CTNNA2: variants seen among roughly 807,000 people sequenced by gnomAD.
CTNNA2 encodes the protein catenin alpha 2.
In CTNNA2, 42 loss-of-function variants were observed where a neutral mutation model predicts 101.0. The observed-to-expected ratio is 0.42, with a 90% confidence interval of 0.32 to 0.54. The LOEUF is 0.54. CTNNA2 is among the 20% of genes least tolerant of loss of function. The pLI, the probability that CTNNA2 is intolerant of heterozygous loss-of-function variation, is 0.14. For synonymous variants in CTNNA2, 450 were observed against 456.4 expected (o/e 0.99, Z 0.18); for missense variants, 871 against 1,223.1 (o/e 0.71, Z 4.29).
At chr2:79,221,751 C>T (rs1674348192) in intron 2 of CTNNA2, among the ~76,000 whole-genome samples, 1 of 152,068 alleles carries the variant, frequency 6.6e-6, no homozygotes, top group South Asian at 2.1e-4. Flanking sequence ...AAGTTTGTAT[C>T]TATATGGCTT....
chr2:79,400,279 A>C (rs995327549), intron 4 of CTNNA2, among the ~76,000 whole-genome samples: 3 of 151,850 alleles, frequency 2.0e-5, no homozygotes, highest in African/African-American at 7.3e-5. Context: ...CTTGTGAGGG[A>C]GGTATGTAGC....
At position 79,213,808 on chromosome 2, in the gene CTNNA2, G is replaced by GTA. The variant is rs570309231; in HGVS notation, c.-406+15736_-406+15737dup. On this transcript the variant is annotated intron_variant, in intron 2 of 21. Transcript: ENST00000466387. ...AGCTGAAGGAGCCAGGAAGCAGAAA[G>GTA]TATATGCGTCAGGTATGAGGAAGAA... Among the ~76,000 whole-genome samples, 429 of 152,318 alleles carry GTA rather than the reference G, an allele frequency of 2.8e-3. 6 individuals are homozygous for GTA. The highest frequency in any genetic ancestry group is 9.5e-3 in the African/African-American group (396 of 41,572).
At chr2:79,831,129 T>C (rs993652895) in intron 3 of CTNNA2, among the ~76,000 whole-genome samples, 1 of 152,152 alleles carries the variant, frequency 6.6e-6, no homozygotes, top group Non-Finnish European at 1.5e-5. Flanking sequence ...TATAGTTTGC[T>C]TAATCATTTT....
Position 80,546,830 on chromosome 2 carries a change from TGAG to T in CTNNA2, c.1540+775_1540+777del, listed in dbSNP as rs553885805. The stretch of plus-strand genomic sequence containing the variant: ...CCCAGTTCACCTGGAAGAATCTCTG[TGAG>T]GAGGAGGTCACTGGAAACATCAGCC... On this transcript the variant is annotated intron_variant, in intron 11 of 18. Coordinates refer to ENST00000402739, the MANE Select transcript of CTNNA2 (RefSeq NM_001282597.3). Among the ~76,000 whole-genome samples the T allele has an allele frequency of 4.9e-3, 746 of 152,284 alleles. 7 individuals are homozygous for T. Among genetic ancestry groups the T allele is most frequent in the African/African-American group, 0.017 (696 of 41,542 alleles).
intron 4 of CTNNA2, among the ~76,000 whole-genome samples, chr2:79,428,390 C>T (rs1678614561): frequency 6.6e-6 from 1 of 151,926 alleles, no homozygotes; most frequent in Non-Finnish European, 1.5e-5. Flanking sequence ...TAATGCTTCA[C>T]ACTTGGAACA....
At chr2:80,383,812 C>T (rs1676741265) in intron 7 of CTNNA2, among the ~76,000 whole-genome samples, 2 of 152,162 alleles carry the variant, frequency 1.3e-5, no homozygotes, top group South Asian at 2.1e-4. Context: ...AATTTCATTA[C>T]TTGGGTATAT....
At chr2:80,147,282 C>T (rs548402092) in intron 7 of CTNNA2, among the ~76,000 whole-genome samples, 6 of 151,960 alleles carry the variant, frequency 3.9e-5, no homozygotes, top group Admixed American at 2.6e-4. Flanking sequence ...TTGTATTTTT[C>T]GTACAGTTGG....
chr2:79,250,873 T>G (rs1332555810), intron 2 of CTNNA2, among the ~76,000 whole-genome samples: 1 of 152,198 alleles, frequency 6.6e-6, no homozygotes, highest in Non-Finnish European at 1.5e-5. Flanking sequence ...CCAAAGACAT[T>G]TGAATTTTTG....
chr2:80,102,729 C>T (rs142581850), intron 7 of CTNNA2, among the ~76,000 whole-genome samples: 2 of 152,256 alleles, frequency 1.3e-5, no homozygotes, highest in Non-Finnish European at 2.9e-5. Flanking sequence ...TCAGGCTGGT[C>T]TTGAACTCCT....
Position 80,366,709 on chromosome 2 carries a change from T to A in CTNNA2, c.1057-26502T>A, listed in dbSNP as rs949783620. 4.1e-4 allele frequency among the ~76,000 whole-genome samples: 62 copies of A among 152,120 alleles called. 2 individuals are homozygous for A. The highest frequency in any genetic ancestry group is 1.5e-5 in the Non-Finnish European group (1 of 68,004). On this transcript the variant is annotated intron_variant, in intron 7 of 18. Coordinates refer to ENST00000402739, the MANE Select transcript of CTNNA2 (RefSeq NM_001282597.3). ...GCTGCTGTTGTTGCAGTGTGTCAAA[T>A]CCCTCAGGCATATCGCTGTGAACCC...
In CTNNA2 at chr2:79,240,214, T is replaced by TC. The variant is rs1355833754; in HGVS notation, c.-406+42139dup. 7.9e-4 allele frequency among the ~76,000 whole-genome samples: 119 copies of TC among 149,756 alleles called. 1 individual carries two copies. The highest frequency in any genetic ancestry group is 2.8e-3 in the African/African-American group (115 of 40,408). ...TGAGCCACCATGCTTGGCACAGTTT[T>TC]CTTTTTTTTTTTTTAAACTTTTAAT... On this transcript the variant is annotated intron_variant, in intron 2 of 21. Coordinates refer to the CTNNA2 transcript ENST00000466387.
chr2:80,546,094 C>T, intron 11 of CTNNA2, 31 bp downstream of exon 11: 3 of 1,610,514 alleles, frequency 1.9e-6, no homozygotes, highest in Non-Finnish European at 2.5e-6. Context: ...CCTTACAAGG[C>T]AGCTGGAGGA....
intron 4 of CTNNA2, among the ~76,000 whole-genome samples, chr2:79,485,669 C>A (rs1176207703): frequency 6.6e-6 from 1 of 152,146 alleles, no homozygotes; most frequent in South Asian, 2.1e-4. Context: ...TACCCAGTAG[C>A]CTTTACTTTC....
At chr2:80,596,276 G>T (rs551075487) in intron 15 of CTNNA2, among the ~76,000 whole-genome samples, 6 of 52,238 alleles carry the variant, frequency 1.1e-4, no homozygotes, top group Non-Finnish European at 2.5e-4. Flanking sequence ...CTGAGACAAG[G>T]TTGTTTTTTT....
intron 2 of CTNNA2, among the ~76,000 whole-genome samples, chr2:79,735,071 G>A (rs757738197): frequency 1.3e-5 from 2 of 152,038 alleles, no homozygotes; most frequent in Non-Finnish European, 2.9e-5. Flanking sequence ...TTGGTGGTTT[G>A]TACTAGGTGG....
intron 3 of CTNNA2, among the ~76,000 whole-genome samples, chr2:79,760,936 A>T (rs1295694901): frequency 1.6e-5 from 2 of 122,402 alleles, no homozygotes; most frequent in East Asian, 1.1e-3. Context: ...ATGGAGACTC[A>T]GGTTTGCCAA....
chr2:80,279,670 G>A (rs188902638), intron 7 of CTNNA2, among the ~76,000 whole-genome samples: 2 of 152,252 alleles, frequency 1.3e-5, no homozygotes, highest in Admixed American at 1.3e-4. Context: ...TATCAATAGA[G>A]TCAATTTCTG....
chr2:80,093,179 GGT>G (rs1276319944), intron 7 of CTNNA2, among the ~76,000 whole-genome samples: 1 of 151,622 alleles, frequency 6.6e-6, no homozygotes, highest in Non-Finnish European at 1.5e-5. Flanking sequence ...AACAGTCCCT[GGT>G]GTGTGATGTT....
chr2:80,470,470 A>G (rs1210713455), intron 9 of CTNNA2, among the ~76,000 whole-genome samples: 2 of 152,076 alleles, frequency 1.3e-5, no homozygotes, highest in Non-Finnish European at 2.9e-5. Flanking sequence ...TTTTTGTTCT[A>G]TGTCCCAAAA....
Sources: gnomAD v4.1 joint callset for allele counts (sites outside exome capture counted in the v4.1 genomes callset) on GRCh38, gnomAD v4.1.1 for gene constraint, MANE v1.5 for transcripts, NCBI Gene and HGNC (gene_info 2026-07-23, HGNC 2026-07-21) for gene names.